Variants in DLGAP2 observed in about 807,000 individuals in gnomAD.
DLGAP2 encodes the protein DLG associated protein 2, also known as disks large-associated protein 2.
A neutral mutation model predicts 100.3 loss-of-function variants in DLGAP2; 26 were observed. The observed-to-expected ratio is 0.26, with a 90% CI of 0.19 to 0.36. The LOEUF (loss-of-function observed/expected upper bound fraction) is 0.36. Ranked by LOEUF, DLGAP2 falls within the 10% of genes least tolerant of loss-of-function variation. The pLI is 1.00. For missense variants in DLGAP2, 1,858 were observed against 1,453.2 expected, an observed-to-expected ratio of 1.28 and a Z score of -4.53; for synonymous variants, 886 against 630.1, an observed-to-expected ratio of 1.41 and a Z score of -6.08.
intron 4 of DLGAP2, among the ~76,000 whole-genome samples, chr8:1,531,976 T>A (rs1171378132): frequency 6.6e-6 from 1 of 152,158 alleles, no homozygotes; most frequent in Non-Finnish European, 1.5e-5. Flanking sequence ...TAGGGAGACA[T>A]GAGACATTAA....
intron 4 of DLGAP2, among the ~76,000 whole-genome samples, chr8:1,505,589 A>C (rs1258827413): frequency 6.6e-6 from 1 of 152,228 alleles, no homozygotes; most frequent in Non-Finnish European, 1.5e-5. Flanking sequence ...GATGGGGAAA[A>C]TGGCTGTGAA....
Position 1,040,306 on chromosome 8 carries a change from G to A in DLGAP2, c.73+132340G>A, listed in dbSNP as rs1487528291. ...GCTCGGGTTCCGTGGTCAGCTCGGTGTGCATGGTCGGCTCAGTGTGCGTGG... is the reference window on the plus strand; with the variant it reads ...GCTCGGGTTCCGTGGTCAGCTCGGTATGCATGGTCGGCTCAGTGTGCGTGG... On this transcript the variant is annotated intron_variant, in intron 2 of 14. Coordinates refer to ENST00000637795, the MANE Select transcript of DLGAP2 (RefSeq NM_001346810.2). Among the ~76,000 whole-genome samples the A allele has an allele frequency of 7.8e-5, 11 of 140,390 alleles. No homozygotes were observed. The South Asian group carries it at 2.1e-3, about 27-fold the overall frequency. 92.1% of individuals were successfully genotyped at this position (140,390 alleles called of 152,430 possible). A position where few individuals can be genotyped will look rare whatever the true frequency, so the allele number is the denominator to read the frequency against.
intron 8 of DLGAP2, among the ~76,000 whole-genome samples, chr8:1,645,180 C>T (rs1798012992): frequency 6.6e-6 from 1 of 152,216 alleles, no homozygotes; most frequent in Admixed American, 6.5e-5. Context: ...GTACAGACCA[C>T]CTTTGACTTA....
At chr8:828,127 A>G (rs974900309) in intron 1 of DLGAP2, among the ~76,000 whole-genome samples, 1 of 152,206 alleles carries the variant, frequency 6.6e-6, no homozygotes, top group Non-Finnish European at 1.5e-5. Flanking sequence ...GACCGAAGCG[A>G]AATTAAAATT....
In DLGAP2 at chr8:1,697,197, G is replaced by A; in HGVS notation, c.2847G>A (p.Trp949Ter). Residue 949 changes from tryptophan (W) to a stop codon, truncating the protein, a stop_gained, in exon 14 of 15, where the codon TGG becomes TGA. Coordinates refer to ENST00000637795, the MANE Select transcript of DLGAP2 (RefSeq NM_001346810.2). LOFTEE classifies it high-confidence loss of function. ...RPTSQDLAGY[W>*]DMLQLSIEDV... ...CGTCGCAGGACCTGGCCGGCTACTG[G>A]GACATGCTGCAGCTCTCCATTGAGG... 1 of 1,609,736 alleles carries A rather than the reference G, an allele frequency of 6.2e-7. No individual in the cohort carries two copies. Among genetic ancestry groups the A allele is most frequent in the Non-Finnish European group, 8.5e-7 (1 of 1,177,492 alleles).
rs28406162 is a variant in DLGAP2, at chr8:996,591, A to G, written c.73+88625A>G. On this transcript the variant is annotated intron_variant, in intron 2 of 14. Transcript: ENST00000637795. The stretch of plus-strand genomic sequence containing the variant: ...TTCTCAGTTCTCTCATGATGGAGAG[A>G]CAAGTTTCGTTATCAACCTTATGAA... Among the ~76,000 whole-genome samples, 725 of 152,302 alleles carry G rather than the reference A, an allele frequency of 4.8e-3. 2 individuals carry two copies. The highest frequency in any genetic ancestry group is 0.014 in the Middle Eastern group (4 of 294).
chr8:1,390,472 C>T (rs1012034371), intron 3 of DLGAP2, among the ~76,000 whole-genome samples: 2 of 152,182 alleles, frequency 1.3e-5, no homozygotes, highest in African/African-American at 4.8e-5. Context: ...CCAGGCCCAC[C>T]TACAAGCCCT....
At chr8:1,438,173 A>T (rs1380788283) in intron 3 of DLGAP2, among the ~76,000 whole-genome samples, 3 of 152,098 alleles carry the variant, frequency 2.0e-5, no homozygotes, top group Non-Finnish European at 4.4e-5. Flanking sequence ...TGTGGTTACG[A>T]GGGGCAACCA....
At position 1,233,514 on chromosome 8, in the gene DLGAP2, A is replaced by T. The variant is rs1030150555; in HGVS notation, c.74-25337A>T. Among the ~76,000 whole-genome samples, 4 of 152,222 alleles carry T rather than the reference A, an allele frequency of 2.6e-5. No homozygotes were observed. In the South Asian group the frequency reaches 8.3e-4, roughly 32 times the overall value. On this transcript the variant is annotated intron_variant, in intron 2 of 14. Transcript: ENST00000637795. ...CAGGGAAGGTTGGGATGCAGACCGC[A>T]GCTGGAGCCCTGTGATGTGAGAGGC...
Position 1,252,818 on chromosome 8 carries a change from C to T in DLGAP2, c.74-6033C>T, listed in dbSNP as rs1373384251. On this transcript the variant is annotated intron_variant, in intron 2 of 14. Coordinates refer to ENST00000637795, the MANE Select transcript of DLGAP2 (RefSeq NM_001346810.2). ...CTGACATGGAGCCTTTCCTGACGAG[C>T]AGAGGATCCTGCCGTGTGCTCGGAG... 2.0e-5 allele frequency among the ~76,000 whole-genome samples: 3 copies of T among 152,232 alleles called. No homozygotes were observed. In the East Asian group the frequency reaches 5.8e-4, roughly 29 times the overall value.
chr8:1,584,656 A>G (rs2130650591), intron 6 of DLGAP2, among the ~76,000 whole-genome samples: 1 of 152,284 alleles, frequency 6.6e-6, no homozygotes, highest in Middle Eastern at 3.4e-3. Context: ...TCAGAAGCTC[A>G]GGCATCTGGG....
chr8:967,829 T>C (rs1284473341), intron 2 of DLGAP2, among the ~76,000 whole-genome samples: 1 of 10,914 alleles, frequency 9.2e-5, no homozygotes, highest in Non-Finnish European at 2.1e-4. Flanking sequence ...TATATATATA[T>C]ATATATATAT....
intron 1 of DLGAP2, among the ~76,000 whole-genome samples, chr8:897,490 G>A (rs1798165565): frequency 6.6e-6 from 1 of 152,214 alleles, no homozygotes; most frequent in Non-Finnish European, 1.5e-5. Context: ...AAATTGTTGT[G>A]CAGACTAGCT....
intron 2 of DLGAP2, among the ~76,000 whole-genome samples, chr8:1,036,878 G>A (rs542073099): frequency 2.6e-5 from 4 of 152,286 alleles, no homozygotes; most frequent in African/African-American, 9.6e-5. Context: ...TTTACCCCTT[G>A]AAACATAAGC....
rs184503657 is a variant in DLGAP2 at position 856,424 on chromosome 8, G to A, written c.19-51488G>A. On this transcript the variant is annotated intron_variant, in intron 1 of 14. Transcript: ENST00000637795. ...GCTGATCTCAAACTGCTGACCTGAGGTGATCTGCCCACCTCGGCCTCCCAT... is the reference window on the plus strand; with the variant it reads ...GCTGATCTCAAACTGCTGACCTGAGATGATCTGCCCACCTCGGCCTCCCAT... 1.6e-4 allele frequency among the ~76,000 whole-genome samples: 25 copies of A among 152,188 alleles called. No individual in the cohort carries two copies. In the East Asian group the frequency reaches 4.1e-3, roughly 25 times the overall value.
intron 2 of DLGAP2, among the ~76,000 whole-genome samples, chr8:1,135,503 G>GTTTTT (rs3080806): frequency 0.027 from 2,519 of 92,202 alleles, 153 homozygotes; most frequent in Non-Finnish European, 0.035. Context: ...TTTTTTGTGG[G>GTTTTT]TTTTTTTTTT....
intron 3 of DLGAP2, among the ~76,000 whole-genome samples, chr8:1,282,116 C>T: frequency 7.2e-6 from 1 of 138,870 alleles, no homozygotes; most frequent in Non-Finnish European, 1.5e-5. Flanking sequence ...CACTCTGAAC[C>T]ATCCGGACAT....
chr8:1,234,187 T>C (rs1798595452), intron 2 of DLGAP2, among the ~76,000 whole-genome samples: 1 of 152,236 alleles, frequency 6.6e-6, no homozygotes, highest in East Asian at 1.9e-4. Context: ...GCGGCTGTTG[T>C]CGTAGGTGGT....
chr8:914,684 C>T (rs937127272), intron 2 of DLGAP2, among the ~76,000 whole-genome samples: 6 of 152,162 alleles, frequency 3.9e-5, no homozygotes, highest in African/African-American at 9.7e-5. Flanking sequence ...GGTTAATGTA[C>T]GTATTTATCT....
Sources: allele counts gnomAD v4.1 joint callset (sites outside exome capture counted in the v4.1 genomes callset), GRCh38; gene constraint gnomAD v4.1.1; transcripts MANE v1.5; gene names NCBI Gene and HGNC (gene_info 2026-07-23, HGNC 2026-07-21).